Variants in DMD observed in about 807,000 individuals in gnomAD.
The protein encoded by DMD is mutant dystrophin.
DMD carries 63 observed loss-of-function variants against 330.1 expected under a neutral mutation model. That is an observed-to-expected ratio of 0.19 (90% CI 0.16 to 0.24). The LOEUF (loss-of-function observed/expected upper bound fraction) is 0.24. Ranked by LOEUF, DMD falls within the 10% of genes least tolerant of loss-of-function variation. DMD has a pLI of 1.00. For missense variants in DMD, 3,344 were observed against 2,684.1 expected, an observed-to-expected ratio of 1.25 and a Z score of -5.43; for synonymous variants, 1,223 against 959.8, an observed-to-expected ratio of 1.27 and a Z score of -5.07.
At chrX:32,658,666 C>T (rs904130270) in intron 9 of DMD, among the ~76,000 whole-genome samples, 3 of 110,855 alleles carry the variant, frequency 2.7e-5, no homozygotes, top group African/African-American at 9.8e-5. Flanking sequence ...CCAATTGATT[C>T]TCATTGGGTC....
At chrX:31,304,724 A>T (rs2054899760) in intron 62 of DMD, among the ~76,000 whole-genome samples, 1 of 110,832 alleles carries the variant, frequency 9.0e-6, no homozygotes. Flanking sequence ...CTTTTGCAAA[A>T]CAGAAACTAG....
At chrX:32,991,612 T>C (rs191027350) in intron 2 of DMD, among the ~76,000 whole-genome samples, 2 of 111,612 alleles carry the variant, frequency 1.8e-5, no homozygotes, top group East Asian at 5.6e-4. Context: ...AGCACAAGTC[T>C]AGAATTTAAT....
intron 54 of DMD, among the ~76,000 whole-genome samples, chrX:31,655,642 GAACGGATTAGCATCATTA>G (rs1240586573): frequency 9.0e-6 from 1 of 110,879 alleles, no homozygotes; most frequent in Non-Finnish European, 1.9e-5. Flanking sequence ...CTGCCTTCAT[GAACGGATTAGCATCATTA>G]TTGTGGGAGT....
chrX:31,282,999 C>T (rs2052738310), intron 62 of DMD, among the ~76,000 whole-genome samples: 1 of 111,301 alleles, frequency 9.0e-6, no homozygotes, highest in Non-Finnish European at 1.9e-5. Context: ...ATAACTTTTT[C>T]TATGAATCAA....
chrX:32,284,892 T>C (rs779869087), intron 43 of DMD, among the ~76,000 whole-genome samples: 2 of 111,908 alleles, frequency 1.8e-5, no homozygotes, highest in Non-Finnish European at 1.9e-5. Flanking sequence ...GGTGGATCTA[T>C]TGGGGCTAGA....
chrX:31,494,155 C>CAAA (rs753929470), intron 57 of DMD, among the ~76,000 whole-genome samples: 9 of 49,808 alleles, frequency 1.8e-4, no homozygotes, highest in African/African-American at 4.7e-4. Flanking sequence ...GACCCAGTCT[C>CAAA]AAAAAAAAAA....
intron 43 of DMD, among the ~76,000 whole-genome samples, chrX:32,221,268 C>T (rs918479356): frequency 2.7e-5 from 3 of 110,903 alleles, no homozygotes; most frequent in Non-Finnish European, 3.8e-5. Flanking sequence ...CTGATTATTT[C>T]ATCCCATCCC....
intron 62 of DMD, among the ~76,000 whole-genome samples, chrX:31,321,944 A>T (rs767022531): frequency 1.2e-4 from 13 of 111,575 alleles, no homozygotes; most frequent in Non-Finnish European, 2.3e-4. Context: ...CTCTTGTAGT[A>T]GAAGTAACAT....
At chrX:31,233,116 T>A (rs896807256) in intron 63 of DMD, among the ~76,000 whole-genome samples, 4 of 111,718 alleles carry the variant, frequency 3.6e-5, no homozygotes, top group Non-Finnish European at 7.5e-5. Context: ...GTCTCCCTCT[T>A]GACAGGCGAC....
chrX:31,937,526 T>TA (rs2094938919), intron 45 of DMD, among the ~76,000 whole-genome samples: 1 of 111,885 alleles, frequency 8.9e-6, no homozygotes, highest in Non-Finnish European at 1.9e-5. Context: ...CTTTGAAATA[T>TA]AAAAAAGATG....
intron 44 of DMD, among the ~76,000 whole-genome samples, chrX:32,125,841 C>T (rs1158292301): frequency 8.9e-6 from 1 of 111,957 alleles, no homozygotes; most frequent in East Asian, 2.8e-4. Context: ...CTCAGGTCTT[C>T]TGAGCTGCAG....
chrX:31,450,152 C>G (rs1051888714), intron 59 of DMD, among the ~76,000 whole-genome samples: 1 of 111,434 alleles, frequency 9.0e-6, no homozygotes, highest in Non-Finnish European at 1.9e-5. Context: ...AAAGTCCCAG[C>G]ATTCTTCATG....
intron 60 of DMD, among the ~76,000 whole-genome samples, chrX:31,400,168 C>T (rs1293585409): frequency 9.0e-6 from 1 of 111,427 alleles, no homozygotes; most frequent in African/African-American, 3.3e-5. Context: ...AGGGAAAAGT[C>T]AAGCTGGGAA....
At chrX:32,588,938 A>G (rs1016260059) in intron 13 of DMD, among the ~76,000 whole-genome samples, 4 of 111,490 alleles carry the variant, frequency 3.6e-5, no homozygotes, top group Admixed American at 1.9e-4. Flanking sequence ...GGCAATGTAC[A>G]GTGAGGTAAG....
chrX:32,452,177 A>G (rs991215962), intron 26 of DMD, among the ~76,000 whole-genome samples: 10 of 107,085 alleles, frequency 9.3e-5, no homozygotes, highest in Non-Finnish European at 1.7e-4. Context: ...ATGACTCTAT[A>G]GTATCTACTT....
intron 13 of DMD, among the ~76,000 whole-genome samples, chrX:32,587,641 A>G (rs1341174204): frequency 9.0e-6 from 1 of 110,521 alleles, no homozygotes. Flanking sequence ...TGGAAGGGAC[A>G]TTGGAGGCTA....
At chrX:33,063,808 A>T (rs1325707689) in intron 1 of DMD, among the ~76,000 whole-genome samples, 1 of 110,603 alleles carries the variant, frequency 9.0e-6, no homozygotes, top group Non-Finnish European at 1.9e-5. Flanking sequence ...TATGGTTGAA[A>T]ATTGCAGTCC....
At chrX:32,945,881 T>C (rs2090771674) in intron 2 of DMD, among the ~76,000 whole-genome samples, 1 of 111,663 alleles carries the variant, frequency 9.0e-6, no homozygotes, top group African/African-American at 3.2e-5. Flanking sequence ...GCATGATAAC[T>C]TCTTCTCTTA....
rs1369357185 is a variant in DMD at position 32,454,183 on chromosome X, T to C, written c.3603+479A>G. 9.0e-5 allele frequency among the ~76,000 whole-genome samples: 10 copies of C among 111,275 alleles called. No homozygotes were observed. The Admixed American group carries it at 9.5e-4, about 11-fold the overall frequency. ...TTTTGTCCTATTGTTTCAAGAAAAG[T>C]ACATGTAAACTCAGTCCTTTCTATC... On this transcript the variant is annotated intron_variant, in intron 26 of 78. Transcript: ENST00000357033.
Sources: gnomAD v4.1 joint callset for allele counts (sites outside exome capture counted in the v4.1 genomes callset) on GRCh38, gnomAD v4.1.1 for gene constraint, MANE v1.5 for transcripts, NCBI Gene and HGNC (gene_info 2026-07-23, HGNC 2026-07-21) for gene names.